Variants in EXOC6B observed in about 807,000 individuals in gnomAD.
EXOC6B encodes SEC15 homolog B.
In EXOC6B, 54 loss-of-function variants were observed where a neutral mutation model predicts 113.5. That is an observed-to-expected ratio of 0.48 (90% confidence interval 0.38 to 0.60). The LOEUF is 0.60. Ranked by LOEUF, EXOC6B falls within the 20% of genes least tolerant of loss-of-function variation. The pLI is 0.00. For missense variants in EXOC6B, 797 were observed against 977.5 expected (o/e 0.82, Z 2.46); for synonymous variants, 357 against 339.0 (o/e 1.05, Z -0.58).
intron 6 of EXOC6B, among the ~76,000 whole-genome samples, chr2:72,712,420 G>A (rs1054217589): frequency 6.6e-6 from 1 of 152,128 alleles, no homozygotes; most frequent in Non-Finnish European, 1.5e-5. Flanking sequence ...TGAAATCATG[G>A]TGTCAACCAT....
intron 20 of EXOC6B, among the ~76,000 whole-genome samples, chr2:72,278,163 AG>A (rs1684915857): frequency 6.6e-6 from 1 of 152,210 alleles, no homozygotes; most frequent in South Asian, 2.1e-4. Flanking sequence ...ATTTTGAGTG[AG>A]CAGGAATGAA....
At chr2:72,389,991 C>A (rs1692269593) in intron 18 of EXOC6B, among the ~76,000 whole-genome samples, 1 of 152,014 alleles carries the variant, frequency 6.6e-6, no homozygotes, top group African/African-American at 2.4e-5. Flanking sequence ...ATTACTCCTC[C>A]ATTGAATTGC....
intron 6 of EXOC6B, among the ~76,000 whole-genome samples, chr2:72,645,082 A>G (rs1412407634): frequency 6.6e-6 from 1 of 152,180 alleles, no homozygotes; most frequent in East Asian, 1.9e-4. Flanking sequence ...AAACAAAAGG[A>G]TGGAGAAAGA....
intron 8 of EXOC6B, among the ~76,000 whole-genome samples, chr2:72,515,942 C>A (rs1195229568): frequency 6.6e-6 from 1 of 152,092 alleles, no homozygotes; most frequent in Non-Finnish European, 1.5e-5. Context: ...GGGGAGAACA[C>A]CACGTGATGA....
At chr2:72,796,805 C>T (rs1289649212) in intron 1 of EXOC6B, among the ~76,000 whole-genome samples, 1 of 152,154 alleles carries the variant, frequency 6.6e-6, no homozygotes, top group East Asian at 1.9e-4. Flanking sequence ...TCCTAGACAT[C>T]CCCACTCATT....
At chr2:72,727,672 T>C (rs1039506922) in intron 5 of EXOC6B, among the ~76,000 whole-genome samples, 3 of 152,156 alleles carry the variant, frequency 2.0e-5, no homozygotes, top group African/African-American at 7.2e-5. Context: ...CGGTGTGTCA[T>C]GTTAGCAACT....
intron 1 of EXOC6B, among the ~76,000 whole-genome samples, chr2:72,805,737 T>C (rs1685545911): frequency 6.6e-6 from 1 of 152,184 alleles, no homozygotes; most frequent in Non-Finnish European, 1.5e-5. Flanking sequence ...AAGATTTTCA[T>C]CTTGTCTAAC....
At position 72,224,865 on chromosome 2, in the gene EXOC6B, C is replaced by T. The variant is rs925586464; in HGVS notation, c.2197-40678G>A. 1.2e-4 allele frequency among the ~76,000 whole-genome samples: 17 copies of T among 143,292 alleles called. No individual in the cohort carries two copies. The South Asian group carries it at 1.8e-3, about 15-fold the overall frequency. 94.0% of individuals were successfully genotyped at this position (143,292 alleles called of 152,430 possible). A position where few individuals can be genotyped will look rare whatever the true frequency, so the allele number is the denominator to read the frequency against. ...GTGTGTGTATATATATATATGTATA[C>T]GTAAGTGTATATATATATATACATC... On this transcript the variant is annotated intron_variant, in intron 20 of 21. Coordinates refer to ENST00000272427, the MANE Select transcript of EXOC6B (RefSeq NM_015189.3).
intron 20 of EXOC6B, among the ~76,000 whole-genome samples, chr2:72,305,731 C>T (rs1686813739): frequency 6.6e-6 from 1 of 151,462 alleles, no homozygotes; most frequent in South Asian, 2.1e-4. Context: ...CTCTAATGTA[C>T]TGTACCAAAT....
At chr2:72,708,752 C>A (rs1304336890) in intron 6 of EXOC6B, among the ~76,000 whole-genome samples, 1 of 152,066 alleles carries the variant, frequency 6.6e-6, no homozygotes, top group Admixed American at 6.6e-5. Context: ...TTTTCACAGA[C>A]AGATTCTTGC....
At chr2:72,319,655 C>A (rs561401778) in intron 20 of EXOC6B, among the ~76,000 whole-genome samples, 4 of 152,238 alleles carry the variant, frequency 2.6e-5, no homozygotes, top group African/African-American at 9.6e-5. Context: ...GAATATGGAA[C>A]ACTTTGGAAT....
intron 19 of EXOC6B, among the ~76,000 whole-genome samples, chr2:72,361,788 G>A (rs1343548860): frequency 6.6e-6 from 1 of 152,116 alleles, no homozygotes; most frequent in East Asian, 1.9e-4. Context: ...TCACAAACCT[G>A]TAGCCATTTA....
At chr2:72,254,133 C>A (rs1435681623) in intron 20 of EXOC6B, among the ~76,000 whole-genome samples, 1 of 151,814 alleles carries the variant, frequency 6.6e-6, no homozygotes, top group Non-Finnish European at 1.5e-5. Flanking sequence ...GCACTCCAGG[C>A]TGGGCGACAA....
intron 18 of EXOC6B, among the ~76,000 whole-genome samples, chr2:72,404,397 G>A (rs1233886936): frequency 6.6e-6 from 1 of 152,320 alleles, no homozygotes; most frequent in African/African-American, 2.4e-5. Context: ...ATCTGAGAAT[G>A]GACAGACTGC....
intron 18 of EXOC6B, among the ~76,000 whole-genome samples, chr2:72,398,595 G>A (rs1336925066): frequency 6.6e-6 from 1 of 151,738 alleles, no homozygotes; most frequent in Non-Finnish European, 1.5e-5. Context: ...TACTTAGGTG[G>A]CTGCAGCACG....
intron 6 of EXOC6B, among the ~76,000 whole-genome samples, chr2:72,679,127 C>A (rs1172921988): frequency 6.6e-6 from 1 of 151,796 alleles, no homozygotes; most frequent in Non-Finnish European, 1.5e-5. Flanking sequence ...ATAGTAATGG[C>A]GTGATCTCGG....
At chr2:72,301,487 A>G (rs1461065786) in intron 20 of EXOC6B, among the ~76,000 whole-genome samples, 1 of 151,896 alleles carries the variant, frequency 6.6e-6, no homozygotes, top group African/African-American at 2.4e-5. Flanking sequence ...TGGGCTTTTT[A>G]TGGTTGGTAG....
chr2:72,337,854 C>T (rs1688779756), intron 19 of EXOC6B, among the ~76,000 whole-genome samples: 1 of 152,128 alleles, frequency 6.6e-6, no homozygotes, highest in Non-Finnish European at 1.5e-5. Flanking sequence ...GGGATAAAGA[C>T]CATTTCACAA....
At chr2:72,408,183 G>A (rs1230922865) in intron 18 of EXOC6B, among the ~76,000 whole-genome samples, 1 of 152,114 alleles carries the variant, frequency 6.6e-6, no homozygotes, top group African/African-American at 2.4e-5. Context: ...TCTTCAAGGA[G>A]AACTACAAAC....
Sources: gnomAD v4.1 joint callset for allele counts (sites outside exome capture counted in the v4.1 genomes callset) on GRCh38, gnomAD v4.1.1 for gene constraint, MANE v1.5 for transcripts, NCBI Gene and HGNC (gene_info 2026-07-23, HGNC 2026-07-21) for gene names.